Variants in GALNTL6 observed in about 807,000 individuals in gnomAD.
GALNTL6 encodes polypeptide N-acetylgalactosaminyltransferase like 6.
Under a neutral mutation model 73.7 loss-of-function variants are expected in GALNTL6, and 46 were observed. That is an observed-to-expected ratio of 0.62 (90% CI 0.49 to 0.80). GALNTL6 has a LOEUF of 0.80. Ranked by LOEUF, GALNTL6 falls within the 30% of genes least tolerant of loss-of-function variation. GALNTL6 has a pLI of 0.00. For synonymous variants in GALNTL6, 259 were observed against 263.7 expected (o/e 0.98, Z 0.17); for missense variants, 604 against 755.0 (o/e 0.80, Z 2.34).
chr4:172,590,296 A>G (rs1254149684), intron 5 of GALNTL6, among the ~76,000 whole-genome samples: 21 of 152,170 alleles, frequency 1.4e-4, no homozygotes, highest in Admixed American at 1.4e-3. Flanking sequence ...CAACATTAGT[A>G]GGCGGGGTGT....
intron 5 of GALNTL6, among the ~76,000 whole-genome samples, chr4:172,760,561 T>G (rs143925105): frequency 1.1e-4 from 16 of 152,308 alleles, no homozygotes; most frequent in Non-Finnish European, 1.9e-4. Context: ...TTTTTCACTC[T>G]TAAGAACATT....
intron 5 of GALNTL6, among the ~76,000 whole-genome samples, chr4:172,760,805 A>T (rs1040426527): frequency 1.1e-4 from 16 of 152,092 alleles, no homozygotes; most frequent in African/African-American, 3.9e-4. Flanking sequence ...CCAGCAGGGG[A>T]TAGGAGGACC....
At chr4:172,931,383 T>G (rs1335081333) in intron 9 of GALNTL6, 115 bp downstream of exon 9, 1 of 702,126 alleles carries the variant, frequency 1.4e-6, no homozygotes, top group Non-Finnish European at 2.6e-6. Flanking sequence ...AGAGAGCTCC[T>G]GTGCTTCTCA....
Position 172,333,429 on chromosome 4 carries a change from C to A in GALNTL6, c.387-15094C>A, listed in dbSNP as rs1179029618. Among the ~76,000 whole-genome samples the A allele has an allele frequency of 2.8e-4, 42 of 151,972 alleles. 2 individuals are homozygous for A. In the South Asian group the frequency reaches 8.6e-3, roughly 31 times the overall value. On this transcript the variant is annotated intron_variant, in intron 4 of 12. Coordinates refer to ENST00000506823, the MANE Select transcript of GALNTL6 (RefSeq NM_001034845.3). Reference sequence around the variant, plus strand: ...TCAAAAGAAAAAAATAAAAACAAAACAAAACAAAAAACGAAATGTACATTG... The same window carrying A: ...TCAAAAGAAAAAAATAAAAACAAAAAAAAACAAAAAACGAAATGTACATTG...
intron 5 of GALNTL6, among the ~76,000 whole-genome samples, chr4:172,364,751 G>A (rs7666223): frequency 0.13 from 19,839 of 152,076 alleles, 1,562 homozygotes; most frequent in African/African-American, 0.23. Context: ...TCTGTCCCTA[G>A]TCAAAGTGGA....
intron 2 of GALNTL6, among the ~76,000 whole-genome samples, chr4:172,175,317 T>C (rs1734956392): frequency 6.6e-6 from 1 of 152,070 alleles, no homozygotes; most frequent in South Asian, 2.1e-4. Context: ...CCACCCACCT[T>C]GGCCTCCCAA....
intron 2 of GALNTL6, among the ~76,000 whole-genome samples, chr4:171,952,275 G>A (rs1738907549): frequency 6.6e-6 from 1 of 151,770 alleles, no homozygotes; most frequent in Non-Finnish European, 1.5e-5. Flanking sequence ...AATAGAAACG[G>A]CCCCATAAGC....
chr4:172,671,081 C>T (rs75185545), intron 5 of GALNTL6, among the ~76,000 whole-genome samples: 8 of 120,262 alleles, frequency 6.7e-5, no homozygotes, highest in East Asian at 5.1e-4. Flanking sequence ...AGTCAGGTAG[C>T]GTGATGCCTC....
At chr4:172,231,385 T>C (rs1199638410) in intron 3 of GALNTL6, among the ~76,000 whole-genome samples, 1 of 152,194 alleles carries the variant, frequency 6.6e-6, no homozygotes, top group Admixed American at 6.5e-5. Context: ...TCAGAATAAC[T>C]CTGATAGGTA....
intron 2 of GALNTL6, among the ~76,000 whole-genome samples, chr4:172,186,090 A>G (rs568632523): frequency 3.9e-5 from 6 of 152,306 alleles, no homozygotes; most frequent in Admixed American, 1.3e-4. Context: ...ACTGTGTGAT[A>G]CAAAGGCAAG....
chr4:171,865,340 G>T (rs1169170514), intron 2 of GALNTL6, among the ~76,000 whole-genome samples: 5 of 152,088 alleles, frequency 3.3e-5, no homozygotes, highest in Admixed American at 2.0e-4. Flanking sequence ...AGATGAGAAA[G>T]CAACACAGAA....
chr4:172,869,815 C>G (rs1744833076), intron 7 of GALNTL6, among the ~76,000 whole-genome samples: 2 of 152,280 alleles, frequency 1.3e-5, no homozygotes, highest in South Asian at 4.2e-4. Context: ...ACCCTCTGCT[C>G]TAGAAATGGA....
At chr4:172,753,672 C>G (rs1737564355) in intron 5 of GALNTL6, among the ~76,000 whole-genome samples, 1 of 152,122 alleles carries the variant, frequency 6.6e-6, no homozygotes, top group Non-Finnish European at 1.5e-5. Flanking sequence ...GATAATTATT[C>G]TTTAAAATTG....
chr4:172,554,644 G>C (rs891197146), intron 5 of GALNTL6, among the ~76,000 whole-genome samples: 1 of 152,118 alleles, frequency 6.6e-6, no homozygotes, highest in Non-Finnish European at 1.5e-5. Flanking sequence ...CTGATTTTAA[G>C]ATTTATGTAG....
chr4:172,092,137 GA>G (rs1026157578), intron 2 of GALNTL6, among the ~76,000 whole-genome samples: 1 of 151,530 alleles, frequency 6.6e-6, no homozygotes, highest in African/African-American at 2.4e-5. Flanking sequence ...AAAGCATTCA[GA>G]AAAAAAGAAA....
chr4:172,978,479 C>G (rs1750932030), intron 10 of GALNTL6, among the ~76,000 whole-genome samples: 1 of 152,044 alleles, frequency 6.6e-6, no homozygotes, highest in Admixed American at 6.6e-5. Flanking sequence ...CTAAAGAGAC[C>G]CCGTCTCCAC....
intron 3 of GALNTL6, among the ~76,000 whole-genome samples, chr4:172,281,907 A>T (rs991557952): frequency 1.8e-4 from 28 of 152,154 alleles, no homozygotes; most frequent in African/African-American, 6.7e-4. Context: ...TAAACAACTA[A>T]ATCTTGTGTT....
chr4:172,095,222 A>C (rs1393842759), intron 2 of GALNTL6, among the ~76,000 whole-genome samples: 2 of 152,144 alleles, frequency 1.3e-5, no homozygotes, highest in Admixed American at 6.5e-5. Flanking sequence ...AGATGATAGA[A>C]GTAGTAACAT....
chr4:172,910,321 A>G (rs1010585116), intron 8 of GALNTL6, among the ~76,000 whole-genome samples: 1 of 152,124 alleles, frequency 6.6e-6, no homozygotes, highest in African/African-American at 2.4e-5. Flanking sequence ...TACATAAACA[A>G]ACATGATCAT....
Sources: allele counts gnomAD v4.1 joint callset (sites outside exome capture counted in the v4.1 genomes callset), GRCh38; gene constraint gnomAD v4.1.1; transcripts MANE v1.5; gene names NCBI Gene and HGNC (gene_info 2026-07-23, HGNC 2026-07-21).